Variants in ADAM2 observed in about 807,000 individuals in gnomAD.
The protein encoded by ADAM2 is ADAM metallopeptidase domain 2, also known as disintegrin and metalloproteinase domain-containing protein 2.
In ADAM2, 101 loss-of-function variants were observed where a neutral mutation model predicts 99.3. That is an observed-to-expected ratio of 1.02 (90% CI 0.87 to 1.20). The LOEUF (loss-of-function observed/expected upper bound fraction) is 1.20, where lower values mean the gene tolerates loss of function less well. Ranked by LOEUF, ADAM2 falls within the 50% of genes most tolerant of loss-of-function variation. The pLI is 0.00. For missense variants in ADAM2, 948 were observed against 878.7 expected (o/e 1.08, Z -1.00); for synonymous variants, 323 against 287.6 (o/e 1.12, Z -1.25).
In ADAM2 at chr8:39,794,708, G is replaced by A. The variant is rs539140679; in HGVS notation, c.571-5968C>T. Among the ~76,000 whole-genome samples the A allele has an allele frequency of 2.6e-5, 4 of 152,062 alleles. No individual in the cohort carries two copies. In the East Asian group the frequency reaches 5.8e-4, roughly 22 times the overall value. ...GCCCCCAGTCACATACCCCCTGCTT[G>A]CTCAATCAATCATGACCCTCTCATG... On this transcript the variant is annotated intron_variant, in intron 7 of 20. Transcript: ENST00000265708.
intron 18 of ADAM2, among the ~76,000 whole-genome samples, chr8:39,748,718 G>A (rs1360822577): frequency 2.0e-5 from 3 of 152,100 alleles, no homozygotes; most frequent in Non-Finnish European, 4.4e-5. Flanking sequence ...AGTCAGTTTT[G>A]ATCACTGGGA....
At chr8:39,776,069 T>G (rs1226333744) in intron 11 of ADAM2, among the ~76,000 whole-genome samples, 1 of 152,092 alleles carries the variant, frequency 6.6e-6, no homozygotes, top group Non-Finnish European at 1.5e-5. Context: ...AACATTGTAT[T>G]TAAATAATCA....
intron 7 of ADAM2, among the ~76,000 whole-genome samples, chr8:39,794,232 A>C (rs1803842255): frequency 6.6e-6 from 1 of 152,164 alleles, no homozygotes; most frequent in Admixed American, 6.6e-5. Flanking sequence ...GTATTTTTCT[A>C]TCTTTAAATG....
chr8:39,826,494 C>T lies in ADAM2; in HGVS notation c.189-1597G>A, dbSNP rs1167637604. ...ATCCCAGCACTTTGGAAAGCCGAGG[C>T]GGGTAGATCACGAGGTCGGGAGATT... On this transcript the variant is annotated intron_variant, in intron 3 of 20. Transcript: ENST00000265708. Among the ~76,000 whole-genome samples, 4 of 151,968 alleles carry T rather than the reference C, an allele frequency of 2.6e-5. No individual in the cohort carries two copies. In the South Asian group the frequency reaches 6.2e-4, roughly 24 times the overall value.
intron 18 of ADAM2, 71 bp downstream of exon 18, chr8:39,749,241 A>G (rs1586041131): frequency 7.2e-7 from 1 of 1,380,076 alleles, no homozygotes; most frequent in East Asian, 2.5e-5. Context: ...TAGACAAAAT[A>G]TTATTTGTTA....
chr8:39,764,795 C>T (rs1189576807), intron 14 of ADAM2, among the ~76,000 whole-genome samples: 2 of 152,080 alleles, frequency 1.3e-5, no homozygotes, highest in African/African-American at 2.4e-5. Flanking sequence ...AGGCAGATCA[C>T]CTGTGGTCAG....
In ADAM2 at chr8:39,821,563, T is replaced by C. The variant is rs767674053; in HGVS notation, c.344+23A>G. ...TTGAAGTAAATATTTTATTTTGTAA[T>C]TCATAAAACAGTAAATTACAACCTG... On this transcript the variant is annotated intron_variant, in intron 5 of 20. Coordinates refer to ENST00000265708, the MANE Select transcript of ADAM2 (RefSeq NM_001464.5). The C allele has an allele frequency of 4.0e-6, 6 of 1,499,790 alleles. No individual in the cohort carries two copies. In the African/African-American group the frequency reaches 5.6e-5, roughly 14 times the overall value. The allele number at this position is 1,499,790 out of a possible 1,614,324, so 92.9% of individuals were successfully genotyped here.
chr8:39,763,234 T>A (rs1430477127), intron 14 of ADAM2, among the ~76,000 whole-genome samples: 2 of 152,028 alleles, frequency 1.3e-5, no homozygotes, highest in African/African-American at 4.8e-5. Flanking sequence ...ATAAAAAAAA[T>A]CTTGGCTTTC....
chr8:39,761,844 G>A (rs1413741363), intron 14 of ADAM2, among the ~76,000 whole-genome samples: 1 of 152,186 alleles, frequency 6.6e-6, no homozygotes, highest in Non-Finnish European at 1.5e-5. Flanking sequence ...GACTTTGGGA[G>A]GCCGAGGCGG....
In ADAM2 at chr8:39,761,295, G is replaced by T; in HGVS notation, c.1508-14C>A. On this transcript the variant is annotated splice_polypyrimidine_tract_variant and intron_variant, in intron 14 of 20. Coordinates refer to ENST00000265708, the MANE Select transcript of ADAM2 (RefSeq NM_001464.5). ...CAAACTCTACTTCTGAAAATAAAAA[G>T]GTGAGGTTAGTCATATTAAACTTAT... 1.3e-6 allele frequency: 2 copies of T among 1,492,232 alleles called. No individual in the cohort carries two copies. Among genetic ancestry groups the T allele is most frequent in the Non-Finnish European group, 1.8e-6 (2 of 1,087,880 alleles). 92.4% of individuals were successfully genotyped at this position (1,492,232 alleles called of 1,614,324 possible).
At chr8:39,773,034 A>C (rs988346644) in intron 11 of ADAM2, among the ~76,000 whole-genome samples, 5 of 151,888 alleles carry the variant, frequency 3.3e-5, no homozygotes, top group Non-Finnish European at 7.4e-5. Flanking sequence ...AGAAAGACAA[A>C]ACTAAACACA....
At chr8:39,769,022 T>G (rs1802674724) in intron 12 of ADAM2, among the ~76,000 whole-genome samples, 1 of 152,160 alleles carries the variant, frequency 6.6e-6, no homozygotes, top group African/African-American at 2.4e-5. Flanking sequence ...AATGCTATGG[T>G]GAGATTACAG....
At chr8:39,828,042 T>C (rs1303609718) in intron 3 of ADAM2, among the ~76,000 whole-genome samples, 1 of 151,832 alleles carries the variant, frequency 6.6e-6, no homozygotes, top group Admixed American at 6.6e-5. Context: ...AAATAAAGAT[T>C]TAATGACAAA....
intron 14 of ADAM2, among the ~76,000 whole-genome samples, chr8:39,764,910 G>A (rs1389175784): frequency 6.6e-6 from 1 of 151,924 alleles, no homozygotes; most frequent in Non-Finnish European, 1.5e-5. Context: ...AGCTACTCAG[G>A]AGGCTAGGAG....
At chr8:39,750,223 G>A (rs997820813) in intron 16 of ADAM2, among the ~76,000 whole-genome samples, 21 of 152,134 alleles carry the variant, frequency 1.4e-4, no homozygotes, top group Non-Finnish European at 2.5e-4. Flanking sequence ...ATGGAAGACC[G>A]TATTGAACCT....
In ADAM2 at chr8:39,746,157, C is replaced by T. The variant is rs558662643; in HGVS notation, c.2174+315G>A. 4.6e-4 allele frequency among the ~76,000 whole-genome samples: 70 copies of T among 152,260 alleles called. 3 individuals are homozygous for T. The East Asian group carries it at 0.011, about 24-fold the overall frequency. The stretch of plus-strand genomic sequence containing the variant: ...CCTCCCACCTCAGCCTCCTGAGTAG[C>T]TGGGACTATAGGTGCATGCCACCAC... On this transcript the variant is annotated intron_variant, in intron 19 of 20. Transcript: ENST00000265708.
At chr8:39,834,963 A>G (rs1424203749) in intron 2 of ADAM2, among the ~76,000 whole-genome samples, 1 of 152,042 alleles carries the variant, frequency 6.6e-6, no homozygotes, top group Non-Finnish European at 1.5e-5. Flanking sequence ...TTGTTCTTGC[A>G]AGGACACCAG....
At chr8:39,746,674 A>T in intron 18 of ADAM2, 43 bp from the exon 19 acceptor site, 1 of 1,458,446 alleles carries the variant, frequency 6.9e-7, no homozygotes, top group South Asian at 1.3e-5. Flanking sequence ...AAGCACCAGA[A>T]ATATAGTAAA....
At chr8:39,790,233 C>G (rs1328454179) in intron 7 of ADAM2, among the ~76,000 whole-genome samples, 3 of 151,772 alleles carry the variant, frequency 2.0e-5, no homozygotes, top group Non-Finnish European at 4.4e-5. Flanking sequence ...AATTTGTACA[C>G]AAATGTTTAT....
Sources: gnomAD v4.1 joint callset for allele counts (sites outside exome capture counted in the v4.1 genomes callset) on GRCh38, gnomAD v4.1.1 for gene constraint, MANE v1.5 for transcripts, NCBI Gene and HGNC (gene_info 2026-07-23, HGNC 2026-07-21) for gene names.